The following ARF4 variants were observed in gnomAD, a reference collection of about 807,000 sequenced individuals.
ARF4 encodes the protein ARF GTPase 4, also known as ADP-ribosylation factor 4.
A neutral mutation model predicts 24.3 loss-of-function variants in ARF4; 5 were observed. That is an observed-to-expected ratio of 0.21 (90% CI 0.11 to 0.43). The LOEUF is 0.43. Among genes scored for constraint, ARF4 ranks in the 20% least tolerant of loss-of-function variants. The pLI, the probability that ARF4 is intolerant of heterozygous loss-of-function variation, is 1.00. For missense variants in ARF4, 107 were observed against 213.0 expected (o/e 0.50, Z 3.10); for synonymous variants, 62 against 73.5 (o/e 0.84, Z 0.80).
At chr3:57,572,669 C>T (rs2069854701) in intron 5 of ARF4, among the ~76,000 whole-genome samples, 2 of 152,098 alleles carry the variant, frequency 1.3e-5, no homozygotes, top group South Asian at 4.1e-4. Context: ...GAGTGAGACT[C>T]CGTCTCAATC....
chr3:57,573,921 A>G (rs1225902291), intron 5 of ARF4, among the ~76,000 whole-genome samples: 1 of 149,642 alleles, frequency 6.7e-6, no homozygotes, highest in Non-Finnish European at 1.5e-5. Flanking sequence ...TATCTCAAAC[A>G]GGCAATAGGT....
At chr3:57,593,034 A>G (rs777675129) in intron 1 of ARF4, among the ~76,000 whole-genome samples, 8 of 152,130 alleles carry the variant, frequency 5.3e-5, no homozygotes, top group African/African-American at 1.4e-4. Context: ...CAAGACCCCC[A>G]TTCTCTACAA....
chr3:57,593,255 T>C (rs1021226488), intron 1 of ARF4, among the ~76,000 whole-genome samples: 2 of 152,138 alleles, frequency 1.3e-5, no homozygotes, highest in African/African-American at 4.8e-5. Context: ...TATGACAGAA[T>C]AGTGGAATTA....
intron 1 of ARF4, among the ~76,000 whole-genome samples, chr3:57,595,486 T>A (rs1469718531): frequency 2.0e-5 from 3 of 152,132 alleles, no homozygotes; most frequent in African/African-American, 7.2e-5. Flanking sequence ...TCTAAGAAAC[T>A]TTGAAAGAAA....
chr3:57,595,714 C>A (rs544486662), intron 1 of ARF4, among the ~76,000 whole-genome samples: 3 of 152,228 alleles, frequency 2.0e-5, no homozygotes, highest in East Asian at 3.9e-4. Flanking sequence ...TCTGGGAAGC[C>A]TGGGTGGGTG....
intron 3 of ARF4, among the ~76,000 whole-genome samples, chr3:57,580,759 C>A: frequency 6.6e-6 from 1 of 150,460 alleles, no homozygotes; most frequent in Admixed American, 6.8e-5. Context: ...TGACTGCTAA[C>A]TTCCCATTTT....
intron 1 of ARF4, among the ~76,000 whole-genome samples, chr3:57,591,645 T>G (rs1048234482): frequency 6.6e-6 from 1 of 152,038 alleles, no homozygotes; most frequent in Non-Finnish European, 1.5e-5. Flanking sequence ...TTTTGTATTT[T>G]GAGTATAGAT....
Position 57,571,549 on chromosome 3 carries a change from A to G in ARF4, c.*663T>C, listed in dbSNP as rs1048572051. 2.6e-5 allele frequency: 4 copies of G among 152,724 alleles called. No homozygotes were observed. The highest frequency in any genetic ancestry group is 7.2e-5 in the African/African-American group (3 of 41,460). The allele number at this position is 152,724 out of a possible 1,614,324, so 9.5% of individuals were successfully genotyped here. On this transcript the variant is annotated 3_prime_UTR_variant, in exon 6 of 6. Coordinates refer to ENST00000303436, the MANE Select transcript of ARF4 (RefSeq NM_001660.4). Reference sequence around the variant, plus strand: ...GATAACAAAAGCAACATGCAACATAAAAAAGACACAATATAAAGGAAGACA... The same window carrying G: ...GATAACAAAAGCAACATGCAACATAGAAAAGACACAATATAAAGGAAGACA...
intron 3 of ARF4, among the ~76,000 whole-genome samples, chr3:57,578,915 T>TA (rs1559783651): frequency 6.6e-6 from 1 of 151,092 alleles, no homozygotes; most frequent in Non-Finnish European, 1.5e-5. Flanking sequence ...ATAAAAATAA[T>TA]AAAAAAGAAA....
intron 1 of ARF4, among the ~76,000 whole-genome samples, chr3:57,585,277 G>C (rs1287606547): frequency 6.6e-6 from 1 of 152,092 alleles, no homozygotes; most frequent in South Asian, 2.1e-4. Flanking sequence ...GTAAAATTTG[G>C]GTAACAGATT....
intron 1 of ARF4, chr3:57,596,675 C>T (rs538009319): frequency 5.2e-6 from 1 of 194,002 alleles, no homozygotes; most frequent in Non-Finnish European, 1.1e-5. Flanking sequence ...GCTGGAGTTG[C>T]TCTGCCTCCC....
intron 1 of ARF4, among the ~76,000 whole-genome samples, chr3:57,594,193 T>G (rs1362774612): frequency 6.6e-6 from 1 of 152,148 alleles, no homozygotes; most frequent in Non-Finnish European, 1.5e-5. Context: ...CATTGCACTC[T>G]GGCCTGGGAG....
chr3:57,590,822 G>C (rs2070103813), intron 1 of ARF4, among the ~76,000 whole-genome samples: 2 of 152,048 alleles, frequency 1.3e-5, no homozygotes, highest in Non-Finnish European at 2.9e-5. Context: ...GGGTCTACAG[G>C]GGCACGCCAC....
intron 1 of ARF4, 150 bp downstream of exon 1, chr3:57,596,924 T>G: frequency 1.3e-6 from 1 of 750,446 alleles, no homozygotes; most frequent in Admixed American, 2.6e-5. Context: ...CTCCGCTCCA[T>G]TGTTCCCCCT....
intron 3 of ARF4, among the ~76,000 whole-genome samples, chr3:57,579,253 C>CAAAAAA (rs764058520): frequency 0.058 from 2,716 of 46,716 alleles, 316 homozygotes; most frequent in South Asian, 0.097. Flanking sequence ...AACTACATCT[C>CAAAAAA]AAAAAAAAAA....
At chr3:57,594,301 A>G (rs1460284791) in intron 1 of ARF4, among the ~76,000 whole-genome samples, 1 of 152,180 alleles carries the variant, frequency 6.6e-6, no homozygotes, top group Admixed American at 6.5e-5. Context: ...GGGTCTTGCT[A>G]TGTTGACCAG....
intron 3 of ARF4, among the ~76,000 whole-genome samples, chr3:57,578,906 TA>T (rs1468976536): frequency 6.7e-6 from 1 of 150,368 alleles, no homozygotes; most frequent in African/African-American, 2.4e-5. Context: ...GGGGCAAAAA[TA>T]AAAATAATAA....
At chr3:57,592,314 C>A (rs1287672041) in intron 1 of ARF4, among the ~76,000 whole-genome samples, 1 of 151,968 alleles carries the variant, frequency 6.6e-6, no homozygotes, top group Non-Finnish European at 1.5e-5. Context: ...TATGGTGAAA[C>A]CCTCTCTACT....
At chr3:57,575,195 T>C (rs561552178) in intron 5 of ARF4, among the ~76,000 whole-genome samples, 1 of 152,006 alleles carries the variant, frequency 6.6e-6, no homozygotes, top group Admixed American at 6.6e-5. Context: ...TACTGGACCC[T>C]TAATAAGAAA....
Sources: allele counts gnomAD v4.1 joint callset (sites outside exome capture counted in the v4.1 genomes callset), GRCh38; gene constraint gnomAD v4.1.1; transcripts MANE v1.5; gene names NCBI Gene and HGNC (gene_info 2026-07-23, HGNC 2026-07-21).